The following ATP13A4 variants were observed in gnomAD, a reference collection of about 807,000 sequenced individuals.
ATP13A4 encodes the protein probable cation-transporting ATPase 13A4.
Under a neutral mutation model 142.5 loss-of-function variants are expected in ATP13A4, and 114 were observed. That is an observed-to-expected ratio of 0.80 (90% CI 0.69 to 0.93). The LOEUF (loss-of-function observed/expected upper bound fraction) is 0.93, where lower values mean the gene tolerates loss of function less well. ATP13A4 is among the 40% of genes least tolerant of loss of function. The pLI, the probability that ATP13A4 is intolerant of heterozygous loss-of-function variation, is 0.00. For missense variants in ATP13A4, 1,392 were observed against 1,454.0 expected (o/e 0.96, Z 0.69); for synonymous variants, 488 against 514.8 (o/e 0.95, Z 0.70).
intron 20 of ATP13A4, among the ~76,000 whole-genome samples, chr3:193,441,049 G>A (rs533206783): frequency 4.6e-5 from 7 of 151,484 alleles, no homozygotes; most frequent in African/African-American, 9.7e-5. Flanking sequence ...TACCTCCCCC[G>A]ACTAAAGCTT....
At chr3:193,555,275 G>A (rs1723841569), upstream of ATP13A4, among the ~76,000 whole-genome samples, 1 of 152,352 alleles carries the variant, frequency 6.6e-6, no homozygotes, top group Non-Finnish European at 1.5e-5. Context: ...GAGCGGAAGC[G>A]CACAGAGCTG....
At chr3:193,531,289 AG>A (rs1722303752) in intron 1 of ATP13A4, among the ~76,000 whole-genome samples, 3 of 73,232 alleles carry the variant, frequency 4.1e-5, no homozygotes, top group Admixed American at 1.7e-4. Flanking sequence ...GGAGGGAGGG[AG>A]GGAGGGAGGA....
chr3:193,482,603 A>T (rs536437533), intron 8 of ATP13A4, among the ~76,000 whole-genome samples: 6 of 152,208 alleles, frequency 3.9e-5, no homozygotes, highest in Admixed American at 2.0e-4. Flanking sequence ...ATTTGAACAA[A>T]TACTTCACCA....
chr3:193,507,332 A>AT (rs1171402364), intron 2 of ATP13A4, among the ~76,000 whole-genome samples: 1 of 151,768 alleles, frequency 6.6e-6, no homozygotes, highest in South Asian at 2.1e-4. Flanking sequence ...TACAGCTATC[A>AT]TTTTTTTTCT....
At chr3:193,503,706 C>T (rs1304118122) in intron 2 of ATP13A4, among the ~76,000 whole-genome samples, 3 of 152,142 alleles carry the variant, frequency 2.0e-5, no homozygotes, top group Admixed American at 6.5e-5. Context: ...CGTCTGTATG[C>T]CTTTGCTCCT....
Position 193,441,579 on chromosome 3 carries a change from T to C in ATP13A4, c.2326A>G (p.Ile776Val). The C allele has an allele frequency of 6.2e-7, 1 of 1,613,482 alleles. No homozygotes were observed. ...TCAGAGACTTCATCCCTGATGTTAA[T>C]GTAATTGTCCTACAAAGCAAGACAC... The part of the protein sequence containing the change: ...HIMYGNQDNY[I>V]NIRDEVSDKG... Residue 776 changes from isoleucine (I) to valine (V), a missense_variant, in exon 20 of 30, where the codon ATT becomes GTT. Ile to Val is a conservative substitution (Grantham distance 29). Transcript: ENST00000342695.
At chr3:193,495,602 T>C (rs546337220) in intron 3 of ATP13A4, among the ~76,000 whole-genome samples, 1 of 152,134 alleles carries the variant, frequency 6.6e-6, no homozygotes, top group South Asian at 2.1e-4. Context: ...ATAAAAGCCA[T>C]GCAAATCAAC....
chr3:193,445,730 C>G (rs1716913849), intron 18 of ATP13A4, among the ~76,000 whole-genome samples: 1 of 152,070 alleles, frequency 6.6e-6, no homozygotes, highest in Admixed American at 6.5e-5. Flanking sequence ...GCACTCCAGC[C>G]TGGTGACAGA....
intron 1 of ATP13A4, among the ~76,000 whole-genome samples, chr3:193,552,171 A>G: frequency 6.6e-6 from 1 of 152,018 alleles, no homozygotes; most frequent in East Asian, 1.9e-4. Flanking sequence ...ATGGGGTTTC[A>G]CCATGTTGGC....
chr3:193,524,049 G>A (rs980162071), intron 1 of ATP13A4, among the ~76,000 whole-genome samples: 1 of 152,106 alleles, frequency 6.6e-6, no homozygotes, highest in Non-Finnish European at 1.5e-5. Flanking sequence ...CCCCAAATGT[G>A]GCTGCCAACT....
chr3:193,438,492 G>A lies in ATP13A4; in HGVS notation c.2655C>T (p.Cys885=), dbSNP rs535642482. ...CTACTTACTTGATAAGGTGAGGTAC[G>A]CACTCAATGTTTGGAGTTTTGGAAG... ...PFTSKTPNIE[C]VPHLIKEGRA... The change falls in exon 23 of 30, where the codon TGC becomes TGT. Residue 885 remains cysteine, a synonymous_variant. Transcript: ENST00000342695. The A allele has an allele frequency of 8.1e-6, 13 of 1,612,096 alleles. No individual in the cohort carries two copies. Among genetic ancestry groups the A allele is most frequent in the South Asian group, 5.5e-5 (5 of 91,034 alleles).
chr3:193,563,468 G>A (rs1577082373), intron 2 of ATP13A4, among the ~76,000 whole-genome samples: 1 of 152,310 alleles, frequency 6.6e-6, no homozygotes, highest in African/African-American at 2.4e-5. Flanking sequence ...ATCAATCACT[G>A]CTTAACAGTA....
At chr3:193,582,731 AATATATATGTATAATACATATATAAAAT>A (rs1724587692) in intron 1 of ATP13A4, among the ~76,000 whole-genome samples, 1 of 49,422 alleles carries the variant, frequency 2.0e-5, no homozygotes, top group African/African-American at 9.5e-5. Context: ...ACATATATAA[AATATATATGTATAATACATATATAAAAT>A]ATATATGTAT....
At chr3:193,586,336 G>A (rs1278937872) in intron 1 of ATP13A4, among the ~76,000 whole-genome samples, 1 of 152,118 alleles carries the variant, frequency 6.6e-6, no homozygotes, top group Admixed American at 6.5e-5. Flanking sequence ...ATTTTAGTTT[G>A]ATAAAGTCCA....
rs926251110 is a variant in ATP13A4, at chr3:193,442,507, A to G, written c.2202T>C (p.Val734=). 25 of 1,613,992 alleles carry G rather than the reference A, an allele frequency of 1.5e-5. No homozygotes were observed. The highest frequency in any genetic ancestry group is 2.1e-5 in the Non-Finnish European group (25 of 1,179,964). ...TGAGAATGACTTTCTGGCTTTCAGAAACCATTCCAGATTTTCTGGCCACTG... is the reference window on the plus strand; with the variant it reads ...TGAGAATGACTTTCTGGCTTTCAGAGACCATTCCAGATTTTCTGGCCACTG... ...AITVARKSGM[V]SESQKVILIE... The change falls in exon 19 of 30, where the codon GTT becomes GTC. Residue 734 remains valine, a synonymous_variant. Coordinates refer to ENST00000342695, the MANE Select transcript of ATP13A4 (RefSeq NM_032279.4).
chr3:193,519,764 C>A lies in ATP13A4; in HGVS notation c.61-4893G>T, dbSNP rs1193060805. ...CGTTCCAGTGATTCTCCTGCCTCAG[C>A]CTCCTGAGTAGCTGGGATTACAGGC... On this transcript the variant is annotated intron_variant, in intron 1 of 29. Coordinates refer to ENST00000342695, the MANE Select transcript of ATP13A4 (RefSeq NM_032279.4). 6.0e-5 allele frequency among the ~76,000 whole-genome samples: 9 copies of A among 150,890 alleles called. No homozygotes were observed. The East Asian group carries it at 1.6e-3, about 26-fold the overall frequency.
At chr3:193,440,394 C>T (rs1281103073) in intron 21 of ATP13A4, 164 bp downstream of exon 21, 1 of 1,327,442 alleles carries the variant, frequency 7.5e-7, no homozygotes, top group African/African-American at 1.5e-5. Context: ...GGTGAGATCC[C>T]TTGGTACTGC....
intron 1 of ATP13A4, among the ~76,000 whole-genome samples, chr3:193,592,486 A>G (rs1724849660): frequency 6.6e-6 from 1 of 152,168 alleles, no homozygotes; most frequent in African/African-American, 2.4e-5. Flanking sequence ...AGGAGTGCTC[A>G]GCACTAGGCA....
At chr3:193,540,431 G>C (rs1436303780) in intron 1 of ATP13A4, among the ~76,000 whole-genome samples, 2 of 140,564 alleles carry the variant, frequency 1.4e-5, no homozygotes, top group Non-Finnish European at 3.0e-5. Context: ...CTCCACCTTA[G>C]ATCTTTACTC....
Sources: allele counts gnomAD v4.1 joint callset (sites outside exome capture counted in the v4.1 genomes callset), GRCh38; gene constraint gnomAD v4.1.1; transcripts MANE v1.5; gene names NCBI Gene and HGNC (gene_info 2026-07-23, HGNC 2026-07-21).